CUX2: variants seen among roughly 807,000 people sequenced by gnomAD.
CUX2 encodes cut like homeobox 2, also known as homeobox protein cut-like 2.
CUX2 carries 40 observed loss-of-function variants against 144.8 expected under a neutral mutation model. The ratio of observed to expected loss-of-function variants is 0.28; its 90% confidence interval spans 0.21 to 0.36. The LOEUF (loss-of-function observed/expected upper bound fraction) is 0.36, where lower values mean the gene tolerates loss of function less well. CUX2 is among the 10% of genes least tolerant of loss of function. The pLI, the probability that CUX2 is intolerant of heterozygous loss-of-function variation, is 1.00. For missense variants in CUX2, 1,615 were observed against 1,994.0 expected, an observed-to-expected ratio of 0.81 and a Z score of 3.62; for synonymous variants, 827 against 875.6, an observed-to-expected ratio of 0.94 and a Z score of 0.98.
At chr12:111,335,124 C>A (rs1888291554) in intron 19 of CUX2, among the ~76,000 whole-genome samples, 1 of 152,146 alleles carries the variant, frequency 6.6e-6, no homozygotes, top group South Asian at 2.1e-4. Flanking sequence ...TGCATGGTGG[C>A]TCACACCTGT....
Position 111,214,200 on chromosome 12 carries a change from A to T in CUX2, c.64A>T (p.Lys22Ter). The part of the protein sequence containing the change: ...WKRFDLRRLQ[K>*]ELNSVASELS... ...TTTTTTTTTTTTTTTATTGTTCCAGAAGGAGCTTAATTCCGTCGCTTCTGA... is the reference window on the plus strand; with the variant it reads ...TTTTTTTTTTTTTTTATTGTTCCAGTAGGAGCTTAATTCCGTCGCTTCTGA... Residue 22 changes from lysine (K) to a stop codon, truncating the protein, a stop_gained and splice_region_variant, in exon 2 of 22, where the codon AAG (lysine) becomes TAG (stop). Transcript: ENST00000261726. LOFTEE classifies it high-confidence loss of function. 6.7e-7 allele frequency: 1 copy of T among 1,483,074 alleles called. No individual in the cohort carries two copies. The highest frequency in any genetic ancestry group is 9.1e-7 in the Non-Finnish European group (1 of 1,101,088). The allele number at this position is 1,483,074 out of a possible 1,614,324, so 91.9% of individuals were successfully genotyped here.
rs1305476822 is a variant in CUX2, at chr12:111,312,495, G to A, written c.2002+294G>A. 1.3e-5 allele frequency among the ~76,000 whole-genome samples: 2 copies of A among 152,196 alleles called. No individual in the cohort carries two copies. Among genetic ancestry groups the A allele is most frequent in the Non-Finnish European group, 2.9e-5 (2 of 68,038 alleles). On this transcript the variant is annotated intron_variant, in intron 16 of 21. Transcript: ENST00000261726. This position sits in a 1 kb window ranked among gnomAD's most constrained non-coding sequence, Gnocchi z 4.3. ...GCAGGCTGATCACCTGAGATCAGGA[G>A]TTCGAGACCAGCCTGGCCAACATGG...
intron 1 of CUX2, among the ~76,000 whole-genome samples, chr12:111,194,738 C>T (rs371972534): frequency 3.9e-5 from 6 of 152,240 alleles, no homozygotes; most frequent in Admixed American, 6.5e-5. Flanking sequence ...ACCCGGTGCC[C>T]GTCACACAGC....
rs1354357133 is a variant in CUX2, at chr12:111,291,542, C to T, written c.426C>T (p.Leu142=). Residue 142 remains leucine (L), a synonymous_variant, in exon 5 of 22, where the codon CTC becomes CTT. Coordinates refer to ENST00000261726, the MANE Select transcript of CUX2 (RefSeq NM_015267.4). ...CGTGGAAGAGGAACCCCGAGCTCCT[C>T]AGCCCCAAAGGTACTGATAAGGCCT... is the stretch of plus-strand genomic sequence containing the variant. ...HTSWKRNPEL[L]SPKEQREGTS... 2 of 1,610,064 alleles carry T rather than the reference C, an allele frequency of 1.2e-6. No homozygotes were observed. Among genetic ancestry groups the T allele is most frequent in the Non-Finnish European group, 1.7e-6 (2 of 1,178,022 alleles).
Position 111,306,941 on chromosome 12 carries a change from G to A in CUX2, c.879G>A (p.Leu293=). 1.2e-6 allele frequency: 2 copies of A among 1,611,032 alleles called. No individual in the cohort carries two copies. Among genetic ancestry groups the A allele is most frequent in the Non-Finnish European group, 1.7e-6 (2 of 1,178,418 alleles). Residue 293 remains leucine (L), a synonymous_variant, in exon 11 of 22, where the codon CTG becomes CTA. Coordinates refer to ENST00000261726, the MANE Select transcript of CUX2 (RefSeq NM_015267.4). The part of the protein sequence containing the change: ...GPSGDKVNFT[L]CSGPRLEAAL... ...TGCAGGATAAGGTGAACTTCACTCT[G>A]TGCTCGGGCCCTCGGCTGGAGGCCG...
At chr12:111,063,606 TA>T (rs1464213595) in intron 1 of CUX2, among the ~76,000 whole-genome samples, 1 of 152,164 alleles carries the variant, frequency 6.6e-6, no homozygotes, top group East Asian at 1.9e-4. Context: ...GGTGCTCCAG[TA>T]ACTCCAGCAG....
At chr12:111,132,811 G>A (rs547004847) in intron 1 of CUX2, among the ~76,000 whole-genome samples, 12 of 151,958 alleles carry the variant, frequency 7.9e-5, no homozygotes, top group South Asian at 6.2e-4. Flanking sequence ...CAGGTGATGC[G>A]CCTGCCTCGG....
chr12:111,088,262 T>C (rs986308232), intron 1 of CUX2, among the ~76,000 whole-genome samples: 3 of 152,034 alleles, frequency 2.0e-5, no homozygotes, highest in Non-Finnish European at 4.4e-5. Context: ...AATGTGACCC[T>C]TGGGGGAAAT....
chr12:111,273,655 T>G (rs1884727722), intron 4 of CUX2, among the ~76,000 whole-genome samples: 1 of 152,168 alleles, frequency 6.6e-6, no homozygotes, highest in Non-Finnish European at 1.5e-5. Flanking sequence ...GGAACTTTCA[T>G]TCTGGGGAGA....
chr12:111,307,041 C>A lies in CUX2; in HGVS notation c.979C>A (p.Leu327Met), dbSNP rs532339347. ...GCACCTCCAGAGCTCACTGCAGGAG[C>A]TGGAGGAGGCATCCGCCAACCAGAT... ...VQHLQSSLQE[L>M]EEASANQIAD... The change falls in exon 11 of 22, where the codon CTG (leucine) becomes ATG (methionine). Residue 327 changes from leucine (L) to methionine (M), a missense_variant. Transcript: ENST00000261726. The surrounding 1 kb of genome is among the most constrained non-coding windows in gnomAD (Gnocchi z 4.1). 7 of 1,613,700 alleles carry A rather than the reference C, an allele frequency of 4.3e-6. No individual in the cohort carries two copies. The highest frequency in any genetic ancestry group is 5.9e-6 in the Non-Finnish European group (7 of 1,179,848).
At chr12:111,298,801 G>A (rs1886144640) in intron 9 of CUX2, among the ~76,000 whole-genome samples, 2 of 152,162 alleles carry the variant, frequency 1.3e-5, no homozygotes, top group Admixed American at 1.3e-4. Context: ...AGGGGGTTGG[G>A]GTAGGGAATG....
At chr12:111,265,461 C>A (rs1884338440) in intron 4 of CUX2, among the ~76,000 whole-genome samples, 2 of 151,988 alleles carry the variant, frequency 1.3e-5, no homozygotes, top group South Asian at 4.1e-4. Context: ...CCTGCCTCAG[C>A]CTCCCGAGTA....
intron 1 of CUX2, among the ~76,000 whole-genome samples, chr12:111,172,011 G>C (rs1039404216): frequency 1.3e-5 from 2 of 152,172 alleles, no homozygotes; most frequent in Non-Finnish European, 2.9e-5. Context: ...GTGCGCATGT[G>C]TGTGCATATG....
At chr12:111,298,241 G>A (rs966586551) in intron 8 of CUX2, among the ~76,000 whole-genome samples, 16 of 152,312 alleles carry the variant, frequency 1.1e-4, no homozygotes, top group Middle Eastern at 3.4e-3. Context: ...TTTTAAAGCC[G>A]GGGGCTGTTC....
chr12:111,087,167 C>G (rs918534709), intron 1 of CUX2, among the ~76,000 whole-genome samples: 1 of 151,786 alleles, frequency 6.6e-6, no homozygotes, highest in Non-Finnish European at 1.5e-5. Flanking sequence ...ACCAGCCTGG[C>G]CAACATGGTG....
Position 111,293,709 on chromosome 12 carries a change from G to A in CUX2, c.560+140G>A. 1 of 1,258,734 alleles carries A rather than the reference G, an allele frequency of 7.9e-7. No individual in the cohort carries two copies. Among genetic ancestry groups the A allele is most frequent in the Non-Finnish European group, 1.1e-6 (1 of 926,530 alleles). The allele number at this position is 1,258,734 out of a possible 1,614,324, so 78.0% of individuals were successfully genotyped here. On this transcript the variant is annotated intron_variant, in intron 6 of 21. Coordinates refer to ENST00000261726, the MANE Select transcript of CUX2 (RefSeq NM_015267.4). This position sits in a 1 kb window ranked among gnomAD's most constrained non-coding sequence, Gnocchi z 4.5. ...AGACCGAGATGAGAAAGGGCCGAGG[G>A]CTTTGGACTCCAACCGGGTCTGGGT...
At chr12:111,155,352 G>A (rs746203002) in intron 1 of CUX2, among the ~76,000 whole-genome samples, 8 of 152,202 alleles carry the variant, frequency 5.3e-5, no homozygotes, top group Non-Finnish European at 1.0e-4. Flanking sequence ...CATAGTAAAC[G>A]TTCAGCAAAT....
At chr12:111,325,207 T>C (rs961055445) in intron 18 of CUX2, among the ~76,000 whole-genome samples, 5 of 150,384 alleles carry the variant, frequency 3.3e-5, no homozygotes, top group African/African-American at 1.2e-4. Flanking sequence ...GGCAGGAGAA[T>C]GGTGTGAATC....
intron 4 of CUX2, among the ~76,000 whole-genome samples, chr12:111,272,715 C>T (rs1397317007): frequency 1.3e-5 from 2 of 152,198 alleles, no homozygotes; most frequent in Non-Finnish European, 1.5e-5. Flanking sequence ...CCACCTGCCT[C>T]GGCCTCCCAA....
Sources: allele counts gnomAD v4.1 joint callset (sites outside exome capture counted in the v4.1 genomes callset), GRCh38; gene constraint gnomAD v4.1.1; non-coding constraint Gnocchi (gnomAD v3.1); transcripts MANE v1.5; gene names NCBI Gene and HGNC (gene_info 2026-07-23, HGNC 2026-07-21).